The following HSF2BP variants were observed in gnomAD, a reference collection of about 807,000 sequenced individuals.
HSF2BP encodes the protein heat shock factor 2-binding protein.
A neutral mutation model predicts 35.0 loss-of-function variants in HSF2BP; 35 were observed. The ratio of observed to expected loss-of-function variants is 1.00; its 90% CI spans 0.76 to 1.32. The LOEUF (loss-of-function observed/expected upper bound fraction) is 1.32. HSF2BP is among the 40% of genes most tolerant of loss of function. HSF2BP has a pLI of 0.00. For missense variants in HSF2BP, 326 were observed against 321.7 expected, an observed-to-expected ratio of 1.01 and a Z score of -0.10; for synonymous variants, 114 against 117.4, an observed-to-expected ratio of 0.97 and a Z score of 0.18.
intron 5 of HSF2BP, 91 bp from the exon 6 acceptor site, chr21:43,630,545 T>C: frequency 7.1e-7 from 1 of 1,401,634 alleles, no homozygotes; most frequent in South Asian, 1.5e-5. Context: ...ATTCTAGTTT[T>C]AATTGTAGAA....
intron 4 of HSF2BP, among the ~76,000 whole-genome samples, chr21:43,640,823 T>C (rs1244081708): frequency 6.6e-6 from 1 of 151,544 alleles, no homozygotes; most frequent in African/African-American, 2.4e-5. Flanking sequence ...GCTGTATAAA[T>C]TTACTAAAAA....
At chr21:43,641,253 C>A (rs867970972) in intron 4 of HSF2BP, among the ~76,000 whole-genome samples, 6 of 152,204 alleles carry the variant, frequency 3.9e-5, no homozygotes, top group Non-Finnish European at 5.9e-5. Context: ...CCCACCTCAG[C>A]CTCCCAAAGT....
chr21:43,600,286 C>T lies in HSF2BP; in HGVS notation c.693-7958G>A, dbSNP rs186127117. Reference sequence around the variant, plus strand: ...CAACCTACGAGTAACAGAATAAACACGCCCAGTACTTCAAAACAAACTAGC... The same window carrying T: ...CAACCTACGAGTAACAGAATAAACATGCCCAGTACTTCAAAACAAACTAGC... On this transcript the variant is annotated intron_variant, in intron 7 of 8. Transcript: ENST00000291560. 2.7e-3 allele frequency among the ~76,000 whole-genome samples: 414 copies of T among 152,238 alleles called. 1 individual carries two copies. Among genetic ancestry groups the T allele is most frequent in the Non-Finnish European group, 4.1e-3 (279 of 68,022 alleles).
Position 43,658,337 on chromosome 21 carries a change from A to C in HSF2BP, c.-224-17T>G, listed in dbSNP as rs2082909657. 3 of 539,080 alleles carry C rather than the reference A, an allele frequency of 5.6e-6. No individual in the cohort carries two copies. Among genetic ancestry groups the C allele is most frequent in the African/African-American group, 4.0e-5 (2 of 49,754 alleles). The allele number at this position is 539,080 out of a possible 1,614,324, so 33.4% of individuals were successfully genotyped here. A position where few individuals can be genotyped will look rare whatever the true frequency, so the allele number is the denominator to read the frequency against. On this transcript the variant is annotated splice_polypyrimidine_tract_variant and intron_variant, in intron 1 of 8. Coordinates refer to ENST00000291560, the MANE Select transcript of HSF2BP (RefSeq NM_007031.2). The stretch of plus-strand genomic sequence containing the variant: ...ACTTGTTATCTGCAAAGCAGAAGGA[A>C]AGTCAGCCCCTGATGTAAGTGTCAA...
At chr21:43,609,912 C>G (rs2146899562) in intron 7 of HSF2BP, 1 of 152,536 alleles carries the variant, frequency 6.6e-6, no homozygotes, top group South Asian at 2.1e-4. Flanking sequence ...CCATCTCCCA[C>G]TGCAATCAAC....
Position 43,597,890 on chromosome 21 carries a change from C to G in HSF2BP, c.693-5562G>C, listed in dbSNP as rs544905501. The stretch of plus-strand genomic sequence containing the variant: ...AAAAGGAAAAATCAGTAATACTGAC[C>G]AAGTCCATTATAAAGGGACTAACTA... On this transcript the variant is annotated intron_variant, in intron 7 of 8. Coordinates refer to ENST00000291560, the MANE Select transcript of HSF2BP (RefSeq NM_007031.2). This position sits in a 1 kb window ranked among gnomAD's most constrained non-coding sequence, Gnocchi z 4.3. Among the ~76,000 whole-genome samples the G allele has an allele frequency of 3.9e-5, 6 of 152,302 alleles. No homozygotes were observed. The East Asian group carries it at 9.6e-4, about 24-fold the overall frequency.
At chr21:43,645,727 A>G (rs1286065459) in intron 3 of HSF2BP, among the ~76,000 whole-genome samples, 1 of 152,214 alleles carries the variant, frequency 6.6e-6, no homozygotes, top group Non-Finnish European at 1.5e-5. Flanking sequence ...CTAGAGGAGA[A>G]AAAGCTCACA....
chr21:43,653,863 G>C (rs1197377196), intron 3 of HSF2BP, among the ~76,000 whole-genome samples: 5 of 152,022 alleles, frequency 3.3e-5, no homozygotes, highest in Admixed American at 3.3e-4. Flanking sequence ...ACTTACTAGC[G>C]GACAGGTTTC....
intron 3 of HSF2BP, among the ~76,000 whole-genome samples, chr21:43,649,929 T>G (rs894032118): frequency 6.6e-6 from 1 of 152,214 alleles, no homozygotes; most frequent in Non-Finnish European, 1.5e-5. Context: ...TGTCTTCATG[T>G]TGCTAGGTGA....
intron 3 of HSF2BP, among the ~76,000 whole-genome samples, chr21:43,647,853 T>C (rs1601724337): frequency 6.9e-6 from 1 of 145,160 alleles, no homozygotes; most frequent in African/African-American, 2.6e-5. Context: ...TGCTTGAACC[T>C]GGGAGGCGGA....
At chr21:43,599,734 C>T (rs922323042) in intron 7 of HSF2BP, among the ~76,000 whole-genome samples, 2 of 151,734 alleles carry the variant, frequency 1.3e-5, no homozygotes, top group African/African-American at 4.8e-5. Flanking sequence ...GCAGAGGTTG[C>T]AGCGAGCCAA....
intron 8 of HSF2BP, among the ~76,000 whole-genome samples, chr21:43,573,939 C>A: frequency 6.6e-6 from 1 of 152,170 alleles, no homozygotes; most frequent in Admixed American, 6.5e-5. Context: ...AGGAAGAAGT[C>A]ATCTTGTCTG....
At chr21:43,640,741 A>G (rs890512228) in intron 4 of HSF2BP, among the ~76,000 whole-genome samples, 3 of 152,184 alleles carry the variant, frequency 2.0e-5, no homozygotes, top group African/African-American at 4.8e-5. Flanking sequence ...TAGTGAATCT[A>G]TAAGTAAACA....
chr21:43,643,680 C>T (rs1451745122), intron 4 of HSF2BP, among the ~76,000 whole-genome samples: 1 of 152,144 alleles, frequency 6.6e-6, no homozygotes, highest in African/African-American at 2.4e-5. Context: ...TCAGCCTCGC[C>T]GGGCGTGATG....
chr21:43,608,024 G>T (rs1427687111), intron 7 of HSF2BP, among the ~76,000 whole-genome samples: 1 of 152,018 alleles, frequency 6.6e-6, no homozygotes, highest in African/African-American at 2.4e-5. Context: ...TAGTCTTCTG[G>T]ATATCGGCCT....
intron 4 of HSF2BP, among the ~76,000 whole-genome samples, chr21:43,643,260 T>A (rs544577045): frequency 1.4e-4 from 21 of 152,318 alleles, no homozygotes; most frequent in Non-Finnish European, 2.8e-4. Context: ...AGATATTATG[T>A]ACATGATTTT....
At chr21:43,572,381 G>A (rs1224129339) in intron 8 of HSF2BP, among the ~76,000 whole-genome samples, 2 of 151,858 alleles carry the variant, frequency 1.3e-5, no homozygotes, top group African/African-American at 2.4e-5. Context: ...TGACTGCCCG[G>A]AGAACATGTA....
At chr21:43,607,702 C>T (rs1222378152) in intron 7 of HSF2BP, among the ~76,000 whole-genome samples, 2 of 152,100 alleles carry the variant, frequency 1.3e-5, no homozygotes, top group Non-Finnish European at 2.9e-5. Flanking sequence ...ACTATACTAC[C>T]AGGCTACACT....
At chr21:43,654,171 A>G (rs2082834618) in intron 3 of HSF2BP, among the ~76,000 whole-genome samples, 3 of 152,216 alleles carry the variant, frequency 2.0e-5, no homozygotes, top group African/African-American at 4.8e-5. Flanking sequence ...CTCTTCTTTG[A>G]GTGACTGCTA....
Sources: allele counts gnomAD v4.1 joint callset (sites outside exome capture counted in the v4.1 genomes callset), GRCh38; gene constraint gnomAD v4.1.1; non-coding constraint Gnocchi (gnomAD v3.1); transcripts MANE v1.5; gene names NCBI Gene and HGNC (gene_info 2026-07-23, HGNC 2026-07-21).